The following PDE7B variants were observed in gnomAD, a reference collection of about 807,000 sequenced individuals.
The protein encoded by PDE7B is phosphodiesterase 7B, also known as 3',5'-cyclic-AMP phosphodiesterase 7B.
PDE7B carries 29 observed loss-of-function variants against 56.2 expected under a neutral mutation model. The observed-to-expected ratio is 0.52, with a 90% confidence interval of 0.38 to 0.70. The LOEUF (loss-of-function observed/expected upper bound fraction) is 0.70. Ranked by LOEUF, PDE7B falls within the 30% of genes least tolerant of loss-of-function variation. The pLI is 0.00. For synonymous variants in PDE7B, 197 were observed against 196.9 expected, an observed-to-expected ratio of 1.00 and a Z score of 0.00; for missense variants, 490 against 565.0, an observed-to-expected ratio of 0.87 and a Z score of 1.35.
intron 1 of PDE7B, among the ~76,000 whole-genome samples, chr6:135,854,725 G>A (rs1774994600): frequency 1.3e-5 from 2 of 152,108 alleles, no homozygotes; most frequent in Non-Finnish European, 2.9e-5. Context: ...CATCCTCAGT[G>A]GCTCTAGGAA....
chr6:135,869,541 A>G (rs1775333695), intron 1 of PDE7B, among the ~76,000 whole-genome samples: 1 of 152,214 alleles, frequency 6.6e-6, no homozygotes, highest in Non-Finnish European at 1.5e-5. Context: ...GGAAATAAGT[A>G]GAAAAAACAA....
intron 2 of PDE7B, among the ~76,000 whole-genome samples, chr6:136,088,249 G>A (rs1369869145): frequency 1.3e-5 from 2 of 152,146 alleles, no homozygotes; most frequent in Non-Finnish European, 2.9e-5. Context: ...AGTTGTAGCA[G>A]GTTATAATAT....
At chr6:135,923,873 T>C (rs1481494222) in intron 1 of PDE7B, among the ~76,000 whole-genome samples, 1 of 152,190 alleles carries the variant, frequency 6.6e-6, no homozygotes, top group East Asian at 1.9e-4. Flanking sequence ...CAACCAGTTG[T>C]TACCAAGAGT....
chr6:135,995,800 A>T, intron 2 of PDE7B, among the ~76,000 whole-genome samples: 1 of 152,222 alleles, frequency 6.6e-6, no homozygotes. Context: ...GTCTAAACTT[A>T]TTTGTAAATG....
chr6:135,926,323 G>A (rs796774339), intron 1 of PDE7B, among the ~76,000 whole-genome samples: 22 of 152,144 alleles, frequency 1.4e-4, no homozygotes, highest in African/African-American at 5.1e-4. Flanking sequence ...TCCTGACCTC[G>A]TGATCTGCCC....
chr6:135,906,611 T>A (rs1776109716), intron 1 of PDE7B, among the ~76,000 whole-genome samples: 1 of 152,130 alleles, frequency 6.6e-6, no homozygotes, highest in African/African-American at 2.4e-5. Flanking sequence ...TATTTTGTTA[T>A]TTTTGTTGGA....
chr6:136,007,055 T>C (rs576331808), intron 2 of PDE7B, among the ~76,000 whole-genome samples: 4 of 152,304 alleles, frequency 2.6e-5, no homozygotes, highest in Admixed American at 6.5e-5. Context: ...CTGTCATAGA[T>C]GGTTCTAATT....
chr6:135,951,554 G>A lies in PDE7B; in HGVS notation c.82+4030G>A, dbSNP rs184852364. On this transcript the variant is annotated intron_variant, in intron 2 of 12. Transcript: ENST00000308191. ...ATTTGTGAACCTTGCTCTGTGAAAC[G>A]ATAAATCATGGGAAAAGAAACTTTC... Among the ~76,000 whole-genome samples, 4 of 152,132 alleles carry A rather than the reference G, an allele frequency of 2.6e-5. 1 individual carries two copies. The highest frequency in any genetic ancestry group is 2.0e-4 in the Admixed American group (3 of 15,286).
In PDE7B at chr6:135,998,209, T is replaced by C. The variant is rs1162194395; in HGVS notation, c.82+50685T>C. On this transcript the variant is annotated intron_variant, in intron 2 of 12. Transcript: ENST00000308191. ...AGTTTTTCCAAGTAAAAAATACTTA[T>C]TTACATAGTGAAAATAGAGGTTCAC... Among the ~76,000 whole-genome samples the C allele has an allele frequency of 2.0e-5, 3 of 152,182 alleles. No individual in the cohort carries two copies. The East Asian group carries it at 5.8e-4, about 29-fold the overall frequency.
intron 1 of PDE7B, among the ~76,000 whole-genome samples, chr6:135,940,942 G>A (rs903740337): frequency 5.9e-5 from 9 of 152,156 alleles, no homozygotes; most frequent in African/African-American, 2.2e-4. Flanking sequence ...AGACATTTAG[G>A]GATTCAGTGG....
chr6:135,934,002 T>C (rs1335133019), intron 1 of PDE7B, among the ~76,000 whole-genome samples: 1 of 152,192 alleles, frequency 6.6e-6, no homozygotes, highest in African/African-American at 2.4e-5. Flanking sequence ...TAAAGAACTA[T>C]TTCTTTCCTA....
intron 2 of PDE7B, among the ~76,000 whole-genome samples, chr6:136,056,617 C>T (rs1017657756): frequency 1.0e-4 from 15 of 147,502 alleles, no homozygotes; most frequent in Non-Finnish European, 1.8e-4. Context: ...CTGCAACCTC[C>T]GCCTCCTGGG....
rs562052153 is a variant in PDE7B, at chr6:135,868,248, G to A, written c.21+16229G>A. On this transcript the variant is annotated intron_variant, in intron 1 of 12. Transcript: ENST00000308191. Reference sequence around the variant, plus strand: ...TGAGTTTCAAATTCTACATGGCAGAGGGTTCTCTGAGTTTTTGTCCTTGTC... The same window carrying A: ...TGAGTTTCAAATTCTACATGGCAGAAGGTTCTCTGAGTTTTTGTCCTTGTC... 2.0e-5 allele frequency among the ~76,000 whole-genome samples: 3 copies of A among 152,138 alleles called. No homozygotes were observed. In the South Asian group the frequency reaches 6.2e-4, roughly 32 times the overall value.
intron 12 of PDE7B, among the ~76,000 whole-genome samples, chr6:136,190,848 T>G (rs1779210619): frequency 6.6e-6 from 1 of 152,014 alleles, no homozygotes; most frequent in Non-Finnish European, 1.5e-5. Flanking sequence ...TTATTTAACA[T>G]AACTGAAAGC....
intron 1 of PDE7B, among the ~76,000 whole-genome samples, chr6:135,927,819 C>T (rs1774217157): frequency 1.3e-5 from 2 of 152,086 alleles, no homozygotes; most frequent in African/African-American, 4.8e-5. Context: ...AGTTTTTGCA[C>T]AGCAAAATAA....
chr6:136,061,595 A>C (rs1294516602), intron 2 of PDE7B, among the ~76,000 whole-genome samples: 1 of 152,210 alleles, frequency 6.6e-6, no homozygotes, highest in African/African-American at 2.4e-5. Flanking sequence ...AATACCTCTC[A>C]CTGCCTTCAG....
chr6:135,872,281 T>C (rs1583723126), intron 1 of PDE7B, among the ~76,000 whole-genome samples: 1 of 152,206 alleles, frequency 6.6e-6, no homozygotes, highest in East Asian at 1.9e-4. Context: ...CATCATTCAG[T>C]GTACTAAGCA....
At chr6:136,047,942 C>T (rs548876368) in intron 2 of PDE7B, among the ~76,000 whole-genome samples, 7 of 152,214 alleles carry the variant, frequency 4.6e-5, no homozygotes, top group African/African-American at 1.2e-4. Context: ...TCTATGGGAA[C>T]GTAGAGGAAG....
intron 2 of PDE7B, among the ~76,000 whole-genome samples, chr6:136,082,606 C>A (rs1777224037): frequency 6.6e-6 from 1 of 152,178 alleles, no homozygotes; most frequent in Admixed American, 6.5e-5. Context: ...TTGCCAAATG[C>A]CTCGGCTATG....
Sources: gnomAD v4.1 joint callset for allele counts (sites outside exome capture counted in the v4.1 genomes callset) on GRCh38, gnomAD v4.1.1 for gene constraint, MANE v1.5 for transcripts, NCBI Gene and HGNC (gene_info 2026-07-23, HGNC 2026-07-21) for gene names.